The following RAP1GDS1 variants were observed in gnomAD, a reference collection of about 807,000 sequenced individuals.
RAP1GDS1 encodes the protein RAP1, GTP-GDP dissociation stimulator 1.
Under a neutral mutation model 71.1 loss-of-function variants are expected in RAP1GDS1, and 35 were observed. The ratio of observed to expected loss-of-function variants is 0.49; its 90% CI spans 0.38 to 0.65. The LOEUF is 0.65. Among genes scored for constraint, RAP1GDS1 ranks in the 30% least tolerant of loss-of-function variants. The probability of loss-of-function intolerance (pLI) is 0.00; values close to 1 mark genes in which losing one functional copy is unlikely to be tolerated. For synonymous variants in RAP1GDS1, 229 were observed against 243.1 expected (o/e 0.94, Z 0.54); for missense variants, 663 against 706.1 (o/e 0.94, Z 0.69).
chr4:98,344,868 A>G (rs1282614212), intron 3 of RAP1GDS1, among the ~76,000 whole-genome samples: 1 of 152,188 alleles, frequency 6.6e-6, no homozygotes, highest in African/African-American at 2.4e-5. Flanking sequence ...TGTGTCGCCC[A>G]GGCTGAAGTG....
chr4:98,345,663 A>G (rs968065924), intron 3 of RAP1GDS1, among the ~76,000 whole-genome samples: 2 of 152,242 alleles, frequency 1.3e-5, no homozygotes, highest in South Asian at 4.1e-4. Context: ...TTGTGCTAAC[A>G]TAATTTAAGT....
chr4:98,388,962 T>C (rs558360133), intron 5 of RAP1GDS1, among the ~76,000 whole-genome samples: 5 of 140,464 alleles, frequency 3.6e-5, no homozygotes, highest in African/African-American at 1.5e-4. Context: ...AACATTTTTA[T>C]GAAAAATATT....
chr4:98,409,790 T>G (rs1224095440), intron 7 of RAP1GDS1: 1 of 384,136 alleles, frequency 2.6e-6, no homozygotes, highest in African/African-American at 2.2e-5. Context: ...AAAAGGCTTC[T>G]AGACTATTAA....
chr4:98,434,926 T>G (rs1404414037), intron 13 of RAP1GDS1, among the ~76,000 whole-genome samples: 1 of 152,088 alleles, frequency 6.6e-6, no homozygotes, highest in African/African-American at 2.4e-5. Flanking sequence ...CCGGCCCTAA[T>G]ATAGCATTTC....
chr4:98,374,279 T>A (rs796739441), intron 4 of RAP1GDS1, among the ~76,000 whole-genome samples: 3 of 152,344 alleles, frequency 2.0e-5, no homozygotes, highest in African/African-American at 7.2e-5. Flanking sequence ...TCTTGGTTTG[T>A]TGAGTCTGCT....
intron 12 of RAP1GDS1, among the ~76,000 whole-genome samples, chr4:98,433,726 T>C (rs1007546184): frequency 6.6e-6 from 1 of 152,192 alleles, no homozygotes; most frequent in African/African-American, 2.4e-5. Flanking sequence ...TCTTTTCTAC[T>C]TAGGCAATTT....
At chr4:98,301,662 G>C (rs2110297230) in intron 2 of RAP1GDS1, among the ~76,000 whole-genome samples, 1 of 152,176 alleles carries the variant, frequency 6.6e-6, no homozygotes, top group East Asian at 1.9e-4. Flanking sequence ...AGGAGCCCAA[G>C]GGTAATAGCA....
intron 7 of RAP1GDS1, among the ~76,000 whole-genome samples, chr4:98,407,470 C>T (rs1746301125): frequency 2.1e-5 from 3 of 143,788 alleles, no homozygotes; most frequent in East Asian, 2.0e-4. Flanking sequence ...GGTGTGTATA[C>T]ACACACACAC....
chr4:98,365,968 A>C (rs1333908853), intron 4 of RAP1GDS1, among the ~76,000 whole-genome samples: 2 of 152,250 alleles, frequency 1.3e-5, no homozygotes, highest in Non-Finnish European at 1.5e-5. Flanking sequence ...GTAAGAAGCA[A>C]GTAATAGGAC....
At chr4:98,295,979 A>T (rs1448595504) in intron 2 of RAP1GDS1, among the ~76,000 whole-genome samples, 1 of 151,988 alleles carries the variant, frequency 6.6e-6, no homozygotes, top group Non-Finnish European at 1.5e-5. Flanking sequence ...TGTCCTCCTA[A>T]ATGTAAAATT....
At chr4:98,409,121 A>G (rs748425130) in intron 7 of RAP1GDS1, among the ~76,000 whole-genome samples, 5 of 152,198 alleles carry the variant, frequency 3.3e-5, no homozygotes, top group Non-Finnish European at 5.9e-5. Flanking sequence ...AAAAGAATCT[A>G]TAGATCAGTT....
chr4:98,400,917 A>G (rs554181809), intron 6 of RAP1GDS1, among the ~76,000 whole-genome samples: 1 of 152,334 alleles, frequency 6.6e-6, no homozygotes, highest in South Asian at 2.1e-4. Context: ...CTATCAGTTA[A>G]GTGTGAGATT....
At chr4:98,280,596 T>A (rs1396867022) in intron 1 of RAP1GDS1, among the ~76,000 whole-genome samples, 2 of 152,142 alleles carry the variant, frequency 1.3e-5, no homozygotes, top group Admixed American at 6.6e-5. Context: ...TTTGCTTTGC[T>A]GAAGCTCTTT....
intron 1 of RAP1GDS1, among the ~76,000 whole-genome samples, chr4:98,290,125 A>G (rs570881212): frequency 2.0e-5 from 3 of 152,288 alleles, no homozygotes; most frequent in East Asian, 1.9e-4. Context: ...TAACAAACAC[A>G]TATCTATCTA....
At chr4:98,331,189 G>A (rs777180352) in intron 2 of RAP1GDS1, among the ~76,000 whole-genome samples, 32 of 152,248 alleles carry the variant, frequency 2.1e-4, no homozygotes, top group Admixed American at 5.9e-4. Flanking sequence ...CCAGGCACTC[G>A]GCAGGCTGAG....
chr4:98,426,109 C>T (rs539761897), intron 12 of RAP1GDS1, among the ~76,000 whole-genome samples: 8 of 152,106 alleles, frequency 5.3e-5, no homozygotes, highest in African/African-American at 1.9e-4. Context: ...AATTAAATAA[C>T]CTGCTCCTGA....
chr4:98,381,777 C>T (rs1742056363), intron 5 of RAP1GDS1, among the ~76,000 whole-genome samples: 1 of 151,450 alleles, frequency 6.6e-6, no homozygotes, highest in African/African-American at 2.4e-5. Context: ...TAAGCCGTAT[C>T]TGTAGTTAGG....
At chr4:98,284,639 C>G (rs1222924846) in intron 1 of RAP1GDS1, among the ~76,000 whole-genome samples, 1 of 152,112 alleles carries the variant, frequency 6.6e-6, no homozygotes, top group Non-Finnish European at 1.5e-5. Flanking sequence ...TGAATCTGAG[C>G]ACACTTATGT....
intron 1 of RAP1GDS1, among the ~76,000 whole-genome samples, chr4:98,261,821 C>T (rs1722026032): frequency 6.6e-6 from 1 of 152,096 alleles, no homozygotes; most frequent in African/African-American, 2.4e-5. Flanking sequence ...CGGCACCTCG[C>T]AGCCTCGCCT....
Sources: allele counts gnomAD v4.1 joint callset (sites outside exome capture counted in the v4.1 genomes callset), GRCh38; gene constraint gnomAD v4.1.1; transcripts MANE v1.5; gene names NCBI Gene and HGNC (gene_info 2026-07-23, HGNC 2026-07-21).